FRMD3: variants seen among roughly 807,000 people sequenced by gnomAD.
The protein encoded by FRMD3 is FERM domain containing 3.
Under a neutral mutation model 70.2 loss-of-function variants are expected in FRMD3, and 33 were observed. That is an observed-to-expected ratio of 0.47 (90% CI 0.36 to 0.63). The LOEUF is 0.63. Ranked by LOEUF, FRMD3 falls within the 20% of genes least tolerant of loss-of-function variation. The pLI is 0.00. For synonymous variants in FRMD3, 279 were observed against 255.9 expected, an observed-to-expected ratio of 1.09 and a Z score of -0.86; for missense variants, 632 against 711.4, an observed-to-expected ratio of 0.89 and a Z score of 1.27.
At chr9:83,371,231 G>A (rs1824960640) in intron 3 of FRMD3, among the ~76,000 whole-genome samples, 1 of 151,716 alleles carries the variant, frequency 6.6e-6, no homozygotes, top group Non-Finnish European at 1.5e-5. Context: ...TAAAAGCTAG[G>A]AATCAGCAAT....
the FRMD3 span, among the ~76,000 whole-genome samples, chr9:83,543,846 T>C: frequency 6.6e-6 from 1 of 151,982 alleles, no homozygotes; most frequent in Non-Finnish European, 1.5e-5. Context: ...GGGTGAAGAG[T>C]GTGGTTCTGC....
At chr9:83,447,272 C>T (rs547574281) in intron 1 of FRMD3, among the ~76,000 whole-genome samples, 5 of 152,326 alleles carry the variant, frequency 3.3e-5, no homozygotes, top group Non-Finnish European at 7.3e-5. Context: ...ATCTGCCCAC[C>T]TCGGCCTCCC....
intron 1 of FRMD3, among the ~76,000 whole-genome samples, chr9:83,495,380 G>C (rs1473322500): frequency 1.3e-5 from 2 of 152,162 alleles, no homozygotes; most frequent in Non-Finnish European, 2.9e-5. Flanking sequence ...CTTGGTAAGG[G>C]GACAGAGCCA....
At chr9:83,398,029 C>G (rs1240782926) in intron 1 of FRMD3, among the ~76,000 whole-genome samples, 1 of 152,112 alleles carries the variant, frequency 6.6e-6, no homozygotes, top group East Asian at 1.9e-4. Flanking sequence ...CTAAATAGTT[C>G]TGCTTTTATT....
At position 83,245,346 on chromosome 9, in the gene FRMD3, CA is replaced by C. The variant is rs1392730993; in HGVS notation, c.*2571del. On this transcript the variant is annotated 3_prime_UTR_variant, in exon 14 of 14. Coordinates refer to ENST00000304195, the MANE Select transcript of FRMD3 (RefSeq NM_174938.6). ...CAGGCAACTGGTGACTATCTTCTAA[CA>C]AAACTTAAATGGATGTTTCTAAAAG... 1.0e-6 allele frequency: 1 copy of C among 985,268 alleles called. No individual in the cohort carries two copies. The highest frequency in any genetic ancestry group is 1.7e-5 in the African/African-American group (1 of 57,224). 61.0% of individuals were successfully genotyped at this position (985,268 alleles called of 1,614,324 possible).
the FRMD3 span, among the ~76,000 whole-genome samples, chr9:83,563,772 ATGGGGC>A: frequency 6.6e-6 from 1 of 152,124 alleles, no homozygotes; most frequent in Non-Finnish European, 1.5e-5. Flanking sequence ...AAAAATAATG[ATGGGGC>A]TGGGGAAGAC....
chr9:83,412,355 C>A (rs565864247), intron 1 of FRMD3, among the ~76,000 whole-genome samples: 3 of 151,984 alleles, frequency 2.0e-5, no homozygotes, highest in African/African-American at 7.2e-5. Flanking sequence ...TTTGTACATA[C>A]CTTTGGTGAA....
At chr9:83,465,923 A>G (rs1488348984) in intron 1 of FRMD3, among the ~76,000 whole-genome samples, 3 of 152,216 alleles carry the variant, frequency 2.0e-5, no homozygotes, top group Non-Finnish European at 4.4e-5. Context: ...TCTTTAGATA[A>G]ATCAGGAAGT....
chr9:83,318,377 A>G (rs1433662349), intron 6 of FRMD3, among the ~76,000 whole-genome samples: 1 of 152,124 alleles, frequency 6.6e-6, no homozygotes, highest in Non-Finnish European at 1.5e-5. Context: ...GAGTTATTTC[A>G]CTAAGGATAA....
intron 11 of FRMD3, 98 bp downstream of exon 11, chr9:83,299,014 G>T: frequency 9.9e-7 from 1 of 1,006,052 alleles, no homozygotes; most frequent in Non-Finnish European, 1.6e-6. Context: ...CTCAAACAGA[G>T]GCACAAGCCA....
chr9:83,251,210 G>A (rs1474509426), intron 13 of FRMD3, among the ~76,000 whole-genome samples: 1 of 152,134 alleles, frequency 6.6e-6, no homozygotes, highest in Non-Finnish European at 1.5e-5. Flanking sequence ...ATACCTACAG[G>A]GATAGAAGAA....
At chr9:83,396,084 C>T (rs909308855) in intron 1 of FRMD3, among the ~76,000 whole-genome samples, 2 of 152,192 alleles carry the variant, frequency 1.3e-5, no homozygotes, top group Admixed American at 1.3e-4. Flanking sequence ...GAAAAATGAA[C>T]TCAGAAATTC....
At chr9:83,466,262 A>T (rs535663585) in intron 1 of FRMD3, among the ~76,000 whole-genome samples, 1 of 152,356 alleles carries the variant, frequency 6.6e-6, no homozygotes, top group South Asian at 2.1e-4. Context: ...GAGGTGGGTT[A>T]GGTTTTTCTG....
chr9:83,352,581 T>C (rs1824196535), intron 3 of FRMD3, among the ~76,000 whole-genome samples: 1 of 152,172 alleles, frequency 6.6e-6, no homozygotes, highest in Admixed American at 6.5e-5. Flanking sequence ...CTAGTGCTTC[T>C]CCCACGTACA....
chr9:83,482,590 A>G (rs1828593499), intron 1 of FRMD3, among the ~76,000 whole-genome samples: 1 of 152,230 alleles, frequency 6.6e-6, no homozygotes, highest in Admixed American at 6.5e-5. Flanking sequence ...AATTTTTAAA[A>G]TTATTACAAG....
At position 83,537,440 on chromosome 9, in the gene FRMD3, G is replaced by C. The variant is rs1829921127; in HGVS notation, c.147+645C>G. On this transcript the variant is annotated intron_variant, in intron 1 of 13. Coordinates refer to ENST00000304195, the MANE Select transcript of FRMD3 (RefSeq NM_174938.6). The surrounding 1 kb of genome is among the most constrained non-coding windows in gnomAD (Gnocchi z 4.1). Reference sequence around the variant, plus strand: ...CACTCAGACTTCACACATTCCTTTCGAGGTAGCTCCAGTCCGGCGCAGCGC... The same window carrying C: ...CACTCAGACTTCACACATTCCTTTCCAGGTAGCTCCAGTCCGGCGCAGCGC... 6.6e-6 allele frequency among the ~76,000 whole-genome samples: 1 copy of C among 152,184 alleles called. No individual in the cohort carries two copies. Among genetic ancestry groups the C allele is most frequent in the Admixed American group, 6.5e-5 (1 of 15,280 alleles).
At chr9:83,499,274 T>C (rs1040409019) in intron 1 of FRMD3, among the ~76,000 whole-genome samples, 9 of 152,068 alleles carry the variant, frequency 5.9e-5, no homozygotes, top group Admixed American at 2.0e-4. Flanking sequence ...GACAAGAAGA[T>C]GAAAATTCCA....
chr9:83,508,465 T>C (rs1829256425), intron 1 of FRMD3, among the ~76,000 whole-genome samples: 1 of 152,244 alleles, frequency 6.6e-6, no homozygotes, highest in South Asian at 2.1e-4. Context: ...ATTATTCTTT[T>C]GACTATTGTT....
intron 1 of FRMD3, among the ~76,000 whole-genome samples, chr9:83,442,212 T>C (rs1396553194): frequency 6.6e-6 from 1 of 151,930 alleles, no homozygotes; most frequent in African/African-American, 2.4e-5. Flanking sequence ...ATTCAATCTT[T>C]AAGTCCTTAC....
Sources: gnomAD v4.1 joint callset for allele counts (sites outside exome capture counted in the v4.1 genomes callset) on GRCh38, gnomAD v4.1.1 for gene constraint, Gnocchi (gnomAD v3.1) non-coding constraint, MANE v1.5 for transcripts, NCBI Gene and HGNC (gene_info 2026-07-23, HGNC 2026-07-21) for gene names.